The following GPC5 variants were observed in gnomAD, a reference collection of about 807,000 sequenced individuals.
The protein encoded by GPC5 is glypican-5.
In GPC5, 47 loss-of-function variants were observed where a neutral mutation model predicts 53.9. The ratio of observed to expected loss-of-function variants is 0.87; its 90% CI spans 0.69 to 1.11. The LOEUF is 1.11. Ranked by LOEUF, GPC5 falls within the 50% of genes most tolerant of loss-of-function variation. GPC5 has a pLI of 0.00. For missense variants in GPC5, 748 were observed against 713.1 expected (o/e 1.05, Z -0.56); for synonymous variants, 286 against 263.3 (o/e 1.09, Z -0.84).
In GPC5 at chr13:91,398,938, C is replaced by G; in HGVS notation, c.-109C>G. ...CGGTCCGTACACCCCGCAGCCGGCT[C>G]GCACCGCTCGAGAGCCTCGGCCGCT... On this transcript the variant is annotated 5_prime_UTR_variant, in exon 1 of 8. Transcript: ENST00000377067. The G allele has an allele frequency of 7.1e-7, 1 of 1,400,110 alleles. No homozygotes were observed. Among genetic ancestry groups the G allele is most frequent in the Non-Finnish European group, 9.5e-7 (1 of 1,056,046 alleles). 86.7% of individuals were successfully genotyped at this position (1,400,110 alleles called of 1,614,324 possible). A position where few individuals can be genotyped will look rare whatever the true frequency, so the allele number is the denominator to read the frequency against.
intron 7 of GPC5, among the ~76,000 whole-genome samples, chr13:92,395,207 A>G (rs1875210270): frequency 6.6e-6 from 1 of 152,102 alleles, no homozygotes; most frequent in South Asian, 2.1e-4. Context: ...TCTGATTTTC[A>G]TGTAGCATTT....
rs538327189 is a variant in GPC5 at position 91,736,677 on chromosome 13, A to G, written c.1154+8012A>G. Reference sequence around the variant, plus strand: ...CTTTGTGTAATTCATACAAAAGGGAAGTAAAAATTAATATTTTCTAAGTTA... The same window carrying G: ...CTTTGTGTAATTCATACAAAAGGGAGGTAAAAATTAATATTTTCTAAGTTA... On this transcript the variant is annotated intron_variant, in intron 4 of 7. Transcript: ENST00000377067. Among the ~76,000 whole-genome samples, 3 of 151,626 alleles carry G rather than the reference A, an allele frequency of 2.0e-5. No homozygotes were observed. The South Asian group carries it at 6.2e-4, about 31-fold the overall frequency.
intron 7 of GPC5, among the ~76,000 whole-genome samples, chr13:92,577,230 G>A (rs1883214528): frequency 1.3e-5 from 2 of 152,108 alleles, no homozygotes; most frequent in African/African-American, 2.4e-5. Context: ...GAATAATTGT[G>A]AAGGTATGTT....
chr13:91,406,824 C>G (rs1282343307), intron 1 of GPC5, among the ~76,000 whole-genome samples: 1 of 152,150 alleles, frequency 6.6e-6, no homozygotes, highest in African/African-American at 2.4e-5. Flanking sequence ...AAAGCACCAC[C>G]CAAATAAAGC....
At chr13:91,752,376 C>T (rs1454870654) in intron 4 of GPC5, among the ~76,000 whole-genome samples, 5 of 152,128 alleles carry the variant, frequency 3.3e-5, no homozygotes, top group South Asian at 2.1e-4. Flanking sequence ...TGAGCCACCA[C>T]GCCTGGCCCC....
chr13:91,439,098 A>G (rs1265031796), intron 1 of GPC5, among the ~76,000 whole-genome samples: 1 of 152,118 alleles, frequency 6.6e-6, no homozygotes, highest in Non-Finnish European at 1.5e-5. Flanking sequence ...GAGCCTTCCC[A>G]GGCTCTTTTG....
chr13:91,735,811 G>A (rs2036801998), intron 4 of GPC5, among the ~76,000 whole-genome samples: 1 of 151,204 alleles, frequency 6.6e-6, no homozygotes, highest in Non-Finnish European at 1.5e-5. Flanking sequence ...CTTAGGATGT[G>A]TCCTAAGGAA....
At chr13:92,304,038 G>A (rs1400524225) in intron 7 of GPC5, among the ~76,000 whole-genome samples, 1 of 152,034 alleles carries the variant, frequency 6.6e-6, no homozygotes, top group African/African-American at 2.4e-5. Flanking sequence ...ATTGTTTACT[G>A]TTGAGGTATA....
At chr13:92,379,105 C>T (rs2043717645) in intron 7 of GPC5, among the ~76,000 whole-genome samples, 2 of 152,124 alleles carry the variant, frequency 1.3e-5, no homozygotes, top group African/African-American at 4.8e-5. Flanking sequence ...CTTGTGAAAC[C>T]AGTTTATTAA....
At chr13:92,335,223 C>T (rs568309376) in intron 7 of GPC5, among the ~76,000 whole-genome samples, 1 of 151,300 alleles carries the variant, frequency 6.6e-6, no homozygotes, top group South Asian at 2.1e-4. Flanking sequence ...AACCTCAAAT[C>T]TTGTCATCTG....
intron 7 of GPC5, among the ~76,000 whole-genome samples, chr13:92,747,476 T>G (rs757793186): frequency 6.6e-6 from 1 of 152,188 alleles, no homozygotes; most frequent in Non-Finnish European, 1.5e-5. Context: ...GGAGAGAGCA[T>G]GAGTGAAAAC....
intron 7 of GPC5, among the ~76,000 whole-genome samples, chr13:92,212,551 T>C (rs143570273): frequency 6.6e-6 from 1 of 152,216 alleles, no homozygotes; most frequent in East Asian, 1.9e-4. Context: ...TCTTCTTACA[T>C]GTTTAAATTA....
At chr13:92,073,833 G>A (rs1216612518) in intron 6 of GPC5, among the ~76,000 whole-genome samples, 1 of 152,118 alleles carries the variant, frequency 6.6e-6, no homozygotes, top group African/African-American at 2.4e-5. Flanking sequence ...TAATCCCCAC[G>A]TGTTGTAGGA....
intron 7 of GPC5, among the ~76,000 whole-genome samples, chr13:92,708,293 T>C (rs886950186): frequency 2.6e-5 from 4 of 152,270 alleles, no homozygotes; most frequent in Non-Finnish European, 4.4e-5. Context: ...TCAGTGCTCA[T>C]AGTTTTTGGT....
intron 6 of GPC5, among the ~76,000 whole-genome samples, chr13:91,992,255 T>C (rs1023981252): frequency 6.6e-6 from 1 of 151,998 alleles, no homozygotes; most frequent in Admixed American, 6.6e-5. Context: ...CTGGTCTCCA[T>C]CTCATGGCCT....
intron 6 of GPC5, among the ~76,000 whole-genome samples, chr13:92,076,628 C>A (rs1264930431): frequency 6.6e-6 from 1 of 151,118 alleles, no homozygotes; most frequent in Non-Finnish European, 1.5e-5. Flanking sequence ...CCCCTACAAA[C>A]CATGAATTCT....
intron 2 of GPC5, among the ~76,000 whole-genome samples, chr13:91,607,372 T>G (rs1198919533): frequency 1.3e-5 from 2 of 152,176 alleles, no homozygotes; most frequent in Non-Finnish European, 2.9e-5. Context: ...TCAAGCAAAC[T>G]GAAGGATTTA....
chr13:92,488,149 G>T (rs1879628532), intron 7 of GPC5, among the ~76,000 whole-genome samples: 1 of 151,964 alleles, frequency 6.6e-6, no homozygotes, highest in Admixed American at 6.6e-5. Flanking sequence ...GTGTGTACAG[G>T]CATATAAGTT....
intron 2 of GPC5, among the ~76,000 whole-genome samples, chr13:91,511,507 C>A (rs1173867685): frequency 6.6e-6 from 1 of 152,218 alleles, no homozygotes; most frequent in East Asian, 1.9e-4. Flanking sequence ...TTAACAATGT[C>A]TCACAAACCT....
Sources: allele counts gnomAD v4.1 joint callset (sites outside exome capture counted in the v4.1 genomes callset), GRCh38; gene constraint gnomAD v4.1.1; transcripts MANE v1.5; gene names NCBI Gene and HGNC (gene_info 2026-07-23, HGNC 2026-07-21).